Variants in SNTB1 observed in about 807,000 individuals in gnomAD.
SNTB1 encodes the protein beta-1-syntrophin.
Under a neutral mutation model 48.9 loss-of-function variants are expected in SNTB1, and 36 were observed. That is an observed-to-expected ratio of 0.74 (90% confidence interval 0.56 to 0.97). SNTB1 has a LOEUF of 0.97. Ranked by LOEUF, SNTB1 falls within the 50% of genes least tolerant of loss-of-function variation. The pLI, the probability that SNTB1 is intolerant of heterozygous loss-of-function variation, is 0.00. For missense variants in SNTB1, 786 were observed against 703.4 expected, an observed-to-expected ratio of 1.12 and a Z score of -1.33; for synonymous variants, 299 against 294.6, an observed-to-expected ratio of 1.01 and a Z score of -0.15.
At chr8:120,630,835 A>C (rs1346730857) in intron 3 of SNTB1, among the ~76,000 whole-genome samples, 3 of 152,206 alleles carry the variant, frequency 2.0e-5, no homozygotes, top group Non-Finnish European at 4.4e-5. Flanking sequence ...CTTGCATTGA[A>C]ACAATTGGGG....
chr8:120,805,842 G>C (rs1030644719), intron 1 of SNTB1, among the ~76,000 whole-genome samples: 3 of 152,112 alleles, frequency 2.0e-5, no homozygotes, highest in African/African-American at 7.2e-5. Flanking sequence ...TTATCTCCTA[G>C]GGCCATTTAT....
intron 2 of SNTB1, among the ~76,000 whole-genome samples, chr8:120,634,555 G>A (rs926723300): frequency 6.6e-6 from 1 of 152,136 alleles, no homozygotes; most frequent in Non-Finnish European, 1.5e-5. Flanking sequence ...GCCTCTCCTT[G>A]AGATTGGACA....
chr8:120,686,049 C>A (rs1255964836), intron 2 of SNTB1, among the ~76,000 whole-genome samples: 1 of 152,200 alleles, frequency 6.6e-6, no homozygotes, highest in African/African-American at 2.4e-5. Flanking sequence ...CATATTTATA[C>A]CAATATTCTG....
chr8:120,677,142 A>G (rs1448031541), intron 2 of SNTB1, among the ~76,000 whole-genome samples: 1 of 152,190 alleles, frequency 6.6e-6, no homozygotes, highest in Non-Finnish European at 1.5e-5. Context: ...ATGGAAGTCA[A>G]CAGAACCTTG....
intron 1 of SNTB1, among the ~76,000 whole-genome samples, chr8:120,767,246 G>A (rs918103289): frequency 6.6e-6 from 1 of 152,004 alleles, no homozygotes; most frequent in South Asian, 2.1e-4. Flanking sequence ...TAGCATCAGC[G>A]CTTATGTTGA....
chr8:120,748,685 G>A (rs774812672), intron 1 of SNTB1, among the ~76,000 whole-genome samples: 3 of 152,178 alleles, frequency 2.0e-5, no homozygotes, highest in Non-Finnish European at 2.9e-5. Context: ...TCTTCTAGGG[G>A]TTATGCTGTT....
rs1820343378 is a variant in SNTB1 at position 120,806,796 on chromosome 8, G to A, written c.571+4477C>T. On this transcript the variant is annotated intron_variant, in intron 1 of 6. Transcript: ENST00000517992. ...TCAAGACTTGAATCCCAGGGTATTGGGTATTCTTCAAGAATCTGTACATCC... is the reference window on the plus strand; with the variant it reads ...TCAAGACTTGAATCCCAGGGTATTGAGTATTCTTCAAGAATCTGTACATCC... 2.0e-5 allele frequency among the ~76,000 whole-genome samples: 3 copies of A among 152,170 alleles called. No homozygotes were observed. In the South Asian group the frequency reaches 6.2e-4, roughly 32 times the overall value.
intron 3 of SNTB1, among the ~76,000 whole-genome samples, chr8:120,607,683 A>T (rs567327992): frequency 6.6e-6 from 1 of 152,346 alleles, no homozygotes; most frequent in South Asian, 2.1e-4. Context: ...CTGATGCAAG[A>T]AAAAGAAAAA....
intron 1 of SNTB1, among the ~76,000 whole-genome samples, chr8:120,754,756 C>T (rs1160657609): frequency 1.3e-5 from 2 of 152,090 alleles, no homozygotes; most frequent in Non-Finnish European, 2.9e-5. Context: ...ACTGTCTGTG[C>T]CCAGGGCACA....
chr8:120,774,583 A>T (rs934805592), intron 1 of SNTB1, among the ~76,000 whole-genome samples: 4 of 152,164 alleles, frequency 2.6e-5, no homozygotes, highest in African/African-American at 9.7e-5. Flanking sequence ...CAAGGTTTCT[A>T]GCTTGGGAGC....
chr8:120,643,130 C>G (rs1270668978), intron 2 of SNTB1, among the ~76,000 whole-genome samples: 2 of 152,208 alleles, frequency 1.3e-5, no homozygotes, highest in East Asian at 3.9e-4. Context: ...GCCTCAGTTT[C>G]TTGCCATATG....
chr8:120,700,246 C>T (rs1818285023), intron 1 of SNTB1, among the ~76,000 whole-genome samples: 1 of 151,436 alleles, frequency 6.6e-6, no homozygotes, highest in African/African-American at 2.4e-5. Context: ...AATTAAGAGG[C>T]TATTGCCTGT....
intron 3 of SNTB1, among the ~76,000 whole-genome samples, chr8:120,596,618 C>A (rs543123021): frequency 1.3e-5 from 2 of 152,256 alleles, no homozygotes; most frequent in Non-Finnish European, 2.9e-5. Context: ...GTTATAATAC[C>A]AAGGTCCCCA....
At chr8:120,640,781 A>G (rs1427953785) in intron 2 of SNTB1, among the ~76,000 whole-genome samples, 1 of 152,208 alleles carries the variant, frequency 6.6e-6, no homozygotes, top group Admixed American at 6.5e-5. Flanking sequence ...TCAGTTTGCC[A>G]GTATTTTATT....
At position 120,616,860 on chromosome 8, in the gene SNTB1, G is replaced by A. The variant is rs571617201; in HGVS notation, c.996+15584C>T. Among the ~76,000 whole-genome samples the A allele has an allele frequency of 9.2e-5, 14 of 152,276 alleles. No homozygotes were observed. In the South Asian group the frequency reaches 1.7e-3, roughly 18 times the overall value. On this transcript the variant is annotated intron_variant, in intron 3 of 6. Transcript: ENST00000517992. ...AATAAGCACTTTGCACCATGACAAC[G>A]AGGAGGTGCACACAACATTGCTGAA... is the stretch of plus-strand genomic sequence containing the variant.
At chr8:120,716,829 G>A (rs12548040) in intron 1 of SNTB1, among the ~76,000 whole-genome samples, 15,937 of 152,174 alleles carry the variant, frequency 0.1, 1,018 homozygotes, top group East Asian at 0.21. Flanking sequence ...GTATTAGGTG[G>A]TTTGGGATCT....
chr8:120,801,921 G>A (rs1164049066), intron 1 of SNTB1, among the ~76,000 whole-genome samples: 3 of 152,066 alleles, frequency 2.0e-5, no homozygotes, highest in African/African-American at 7.2e-5. Context: ...AGACCTGCAA[G>A]TTCCTTTGTT....
At chr8:120,802,083 A>G (rs1271909863) in intron 1 of SNTB1, among the ~76,000 whole-genome samples, 1 of 152,134 alleles carries the variant, frequency 6.6e-6, no homozygotes, top group East Asian at 1.9e-4. Flanking sequence ...ACCATGATAT[A>G]TCTTCCACGG....
At chr8:120,721,676 G>GA (rs890962190) in intron 1 of SNTB1, among the ~76,000 whole-genome samples, 4 of 151,386 alleles carry the variant, frequency 2.6e-5, no homozygotes, top group Non-Finnish European at 4.4e-5. Flanking sequence ...TTTCCTTAGG[G>GA]AAAAAAAATG....
Sources: allele counts gnomAD v4.1 joint callset (sites outside exome capture counted in the v4.1 genomes callset), GRCh38; gene constraint gnomAD v4.1.1; transcripts MANE v1.5; gene names NCBI Gene and HGNC (gene_info 2026-07-23, HGNC 2026-07-21).